The following RAB40C variants were observed in gnomAD, a reference collection of about 807,000 sequenced individuals.
The protein encoded by RAB40C is ras-related protein Rab-40C.
RAB40C carries 8 observed loss-of-function variants against 28.1 expected under a neutral mutation model. That is an observed-to-expected ratio of 0.28 (90% CI 0.17 to 0.51). The LOEUF is 0.51. RAB40C is among the 20% of genes least tolerant of loss of function. RAB40C has a pLI of 0.97. For synonymous variants in RAB40C, 201 were observed against 171.7 expected, an observed-to-expected ratio of 1.17 and a Z score of -1.34; for missense variants, 288 against 405.9, an observed-to-expected ratio of 0.71 and a Z score of 2.50.
chr16:603,651 C>T (rs1047794319), intron 1 of RAB40C, among the ~76,000 whole-genome samples: 1 of 152,060 alleles, frequency 6.6e-6, no homozygotes, highest in Non-Finnish European at 1.5e-5. Flanking sequence ...AATAAATGTA[C>T]CCTCTTTGCA....
intron 1 of RAB40C, among the ~76,000 whole-genome samples, chr16:595,910 G>A (rs1009161828): frequency 2.6e-5 from 4 of 152,162 alleles, no homozygotes; most frequent in African/African-American, 9.7e-5. Context: ...CTCTAATTGT[G>A]CTGTTTTATA....
At chr16:597,973 G>T (rs1460762349) in intron 1 of RAB40C, among the ~76,000 whole-genome samples, 1 of 149,200 alleles carries the variant, frequency 6.7e-6, no homozygotes, top group Non-Finnish European at 1.5e-5. Flanking sequence ...AAGGCCGGGT[G>T]CAGTGGCTCA....
At chr16:617,084 T>TG in intron 1 of RAB40C, 124 bp from the exon 2 acceptor site, 3 of 995,104 alleles carry the variant, frequency 3.0e-6, no homozygotes, top group Non-Finnish European at 4.7e-6. Flanking sequence ...TGGCTGAGTG[T>TG]GGGGGAGCTG....
intron 1 of RAB40C, among the ~76,000 whole-genome samples, chr16:593,327 C>G (rs1312102441): frequency 6.6e-6 from 1 of 152,258 alleles, no homozygotes; most frequent in Non-Finnish European, 1.5e-5. Context: ...AGAATTTATT[C>G]TCCTTTGAAA....
chr16:606,681 C>T (rs1183333136), intron 1 of RAB40C, among the ~76,000 whole-genome samples: 1 of 152,232 alleles, frequency 6.6e-6, no homozygotes, highest in African/African-American at 2.4e-5. Flanking sequence ...GCAAGCCGAG[C>T]CTTTCCCGGC....
chr16:607,899 T>G (rs2036397300), intron 1 of RAB40C, among the ~76,000 whole-genome samples: 1 of 152,136 alleles, frequency 6.6e-6, no homozygotes, highest in Non-Finnish European at 1.5e-5. Context: ...AGTGACATTT[T>G]CAGACCCCTT....
At position 627,416 on chromosome 16, in the gene RAB40C, C is replaced by T; in HGVS notation, c.640C>T (p.Leu214=). The change falls in exon 6 of 6, where the codon CTG becomes TTG. Residue 214 remains leucine (L), a synonymous_variant. Coordinates refer to ENST00000248139, the MANE Select transcript of RAB40C (RefSeq NM_021168.5). ...TPVHLIDKLP[L]PVTIKSHLKS... is the part of the protein sequence containing the mutation. ...CGTGCACCTCATCGACAAGCTTCCA[C>T]TGCCCGTCACCATCAAGAGCCACCT... 6.2e-7 allele frequency: 1 copy of T among 1,614,032 alleles called. No individual in the cohort carries two copies. The highest frequency in any genetic ancestry group is 8.5e-7 in the Non-Finnish European group (1 of 1,179,998).
intron 1 of RAB40C, among the ~76,000 whole-genome samples, chr16:611,408 G>A (rs2036481857): frequency 6.6e-6 from 1 of 152,190 alleles, no homozygotes; most frequent in Admixed American, 6.5e-5. Flanking sequence ...GGCAATCGTG[G>A]TGTCCAACTT....
intron 1 of RAB40C, among the ~76,000 whole-genome samples, chr16:597,161 G>A (rs2036145213): frequency 6.6e-6 from 1 of 152,106 alleles, no homozygotes; most frequent in Non-Finnish European, 1.5e-5. Context: ...AGGTTCTAGT[G>A]CTGGTGATGA....
At chr16:601,989 G>T (rs2036262201) in intron 1 of RAB40C, among the ~76,000 whole-genome samples, 1 of 151,988 alleles carries the variant, frequency 6.6e-6, no homozygotes, top group Admixed American at 6.6e-5. Context: ...AGCGGGGTGT[G>T]GTGTCGGGCA....
At position 620,724 on chromosome 16, in the gene RAB40C, C is replaced by T. The variant is rs984619433; in HGVS notation, c.264+2464C>T. On this transcript the variant is annotated intron_variant, in intron 3 of 5. Coordinates refer to ENST00000248139, the MANE Select transcript of RAB40C (RefSeq NM_021168.5). ...GGGCTCCACCGCGGGCATCCCAGCC[C>T]CCCGCCGACGGGCTCCACCGCGGGC... Among the ~76,000 whole-genome samples the T allele has an allele frequency of 4.6e-3, 368 of 80,140 alleles. 17 individuals carry two copies. The highest frequency in any genetic ancestry group is 0.02 in the African/African-American group (344 of 17,228). 52.6% of individuals were successfully genotyped at this position (80,140 alleles called of 152,430 possible). A position where few individuals can be genotyped will look rare whatever the true frequency, so the allele number is the denominator to read the frequency against.
At chr16:591,511 G>A (rs1015241649) in intron 1 of RAB40C, among the ~76,000 whole-genome samples, 14 of 152,188 alleles carry the variant, frequency 9.2e-5, no homozygotes, top group Admixed American at 7.2e-4. Context: ...TACTGCTGAG[G>A]GAGTCAACGC....
chr16:607,619 G>A lies in RAB40C; in HGVS notation c.143-9589G>A, dbSNP rs570559194. Among the ~76,000 whole-genome samples, 33 of 150,976 alleles carry A rather than the reference G, an allele frequency of 2.2e-4. No individual in the cohort carries two copies. The South Asian group carries it at 5.0e-3, about 23-fold the overall frequency. ...GAGATGGAGACCACGGTGAAACCCC[G>A]TCTCTACCAAAAATACAAAAAATTA... On this transcript the variant is annotated intron_variant, in intron 1 of 5. Transcript: ENST00000248139.
chr16:592,616 G>T (rs945707475), intron 1 of RAB40C, among the ~76,000 whole-genome samples: 1 of 152,262 alleles, frequency 6.6e-6, no homozygotes, highest in Non-Finnish European at 1.5e-5. Context: ...CAAGTTGATT[G>T]TGAAGGTGGC....
intron 3 of RAB40C, among the ~76,000 whole-genome samples, chr16:619,709 G>A (rs900946804): frequency 2.0e-5 from 3 of 152,332 alleles, no homozygotes; most frequent in East Asian, 3.9e-4. Context: ...GATCCTTCTT[G>A]GGGGAAGGTT....
At chr16:617,388 C>A in intron 2 of RAB40C, 120 bp downstream of exon 2, 1 of 1,162,810 alleles carries the variant, frequency 8.6e-7, no homozygotes, top group Non-Finnish European at 1.3e-6. Context: ...GAGCCACTTA[C>A]ACAGCCCCTG....
chr16:618,568 A>G (rs1352355729), intron 3 of RAB40C, among the ~76,000 whole-genome samples: 1 of 152,162 alleles, frequency 6.6e-6, no homozygotes, highest in Non-Finnish European at 1.5e-5. Context: ...GTGTGTGCAC[A>G]GGTGTAGTGG....
In RAB40C at chr16:629,258, C is replaced by A. The variant is rs551588218; in HGVS notation, c.*1636C>A. 2.6e-5 allele frequency: 8 copies of A among 304,462 alleles called. No homozygotes were observed. The highest frequency in any genetic ancestry group is 2.4e-4 in the Admixed American group (6 of 24,618). 18.9% of individuals were successfully genotyped at this position (304,462 alleles called of 1,614,324 possible). On this transcript the variant is annotated 3_prime_UTR_variant, in exon 6 of 6. Transcript: ENST00000248139. ...CGTTCTTTGTACAGTAAATGTAATTCAGCTGTGGTCCCCACGTTTTGCTGT... is the reference window on the plus strand; with the variant it reads ...CGTTCTTTGTACAGTAAATGTAATTAAGCTGTGGTCCCCACGTTTTGCTGT...
rs1014394685 is a variant in RAB40C at position 610,245 on chromosome 16, C to G, written c.143-6963C>G. 1.3e-5 allele frequency among the ~76,000 whole-genome samples: 2 copies of G among 152,122 alleles called. No individual in the cohort carries two copies. Among genetic ancestry groups the G allele is most frequent in the African/African-American group, 2.4e-5 (1 of 41,418 alleles). On this transcript the variant is annotated intron_variant, in intron 1 of 5. Coordinates refer to ENST00000248139, the MANE Select transcript of RAB40C (RefSeq NM_021168.5). This position sits in a 1 kb window ranked among gnomAD's most constrained non-coding sequence, Gnocchi z 4.6. Reference sequence around the variant, plus strand: ...GTCCCCTGAGGTCAGAGCGCCTGTCCTGTGGAGCGGCTCTGACCAGGACAG... The same window carrying G: ...GTCCCCTGAGGTCAGAGCGCCTGTCGTGTGGAGCGGCTCTGACCAGGACAG...
Sources: gnomAD v4.1 joint callset for allele counts (sites outside exome capture counted in the v4.1 genomes callset) on GRCh38, gnomAD v4.1.1 for gene constraint, Gnocchi (gnomAD v3.1) non-coding constraint, MANE v1.5 for transcripts, NCBI Gene and HGNC (gene_info 2026-07-23, HGNC 2026-07-21) for gene names.